Variants in JPH3 observed in about 807,000 individuals in gnomAD.
JPH3 encodes junctophilin 3, also known as junctophilin-3.
A neutral mutation model predicts 59.6 loss-of-function variants in JPH3; 11 were observed. That is an observed-to-expected ratio of 0.18 (90% confidence interval 0.12 to 0.31). The LOEUF (loss-of-function observed/expected upper bound fraction) is 0.31. Among genes scored for constraint, JPH3 ranks in the 10% least tolerant of loss-of-function variants. The probability of loss-of-function intolerance (pLI) is 1.00; values close to 1 mark genes in which losing one functional copy is unlikely to be tolerated. For missense variants in JPH3, 1,202 were observed against 1,105.7 expected (o/e 1.09, Z -1.24); for synonymous variants, 673 against 483.6 (o/e 1.39, Z -5.14).
At chr16:87,619,704 A>G (rs549405378) in intron 1 of JPH3, among the ~76,000 whole-genome samples, 3 of 152,284 alleles carry the variant, frequency 2.0e-5, no homozygotes, top group East Asian at 1.9e-4. Flanking sequence ...TGGGCCACAC[A>G]AGTATCTACT....
intron 1 of JPH3, among the ~76,000 whole-genome samples, chr16:87,625,528 C>T (rs922626070): frequency 6.6e-6 from 1 of 152,194 alleles, no homozygotes; most frequent in Non-Finnish European, 1.5e-5. Flanking sequence ...GGAGCAGGGC[C>T]AGCATGCACA....
At chr16:87,626,715 G>A (rs1452301478) in intron 1 of JPH3, among the ~76,000 whole-genome samples, 4 of 152,270 alleles carry the variant, frequency 2.6e-5, no homozygotes, top group Non-Finnish European at 5.9e-5. Flanking sequence ...GGTTGGGATG[G>A]TTGGAGATGC....
At chr16:87,683,620 T>C (rs1451067724) in intron 2 of JPH3, among the ~76,000 whole-genome samples, 1 of 146,802 alleles carries the variant, frequency 6.8e-6, no homozygotes, top group African/African-American at 2.5e-5. Flanking sequence ...CTTTTTTTTT[T>C]CCTTGAGACA....
intron 2 of JPH3, among the ~76,000 whole-genome samples, chr16:87,646,860 C>G (rs192226136): frequency 2.0e-4 from 30 of 152,294 alleles, no homozygotes; most frequent in Admixed American, 1.6e-3. Context: ...GAGCTTATTT[C>G]ACAGCCTTGG....
At chr16:87,682,706 C>G (rs552168705) in intron 2 of JPH3, among the ~76,000 whole-genome samples, 16 of 152,316 alleles carry the variant, frequency 1.1e-4, no homozygotes, top group African/African-American at 3.4e-4. Context: ...CCCCAACAGG[C>G]TAAGTCAGGA....
At chr16:87,603,631 G>C in intron 1 of JPH3, 103 bp downstream of exon 1, 1 of 1,381,976 alleles carries the variant, frequency 7.2e-7, no homozygotes, top group East Asian at 2.5e-5. Context: ...CTCCGGTTGG[G>C]CCGTGGGCAC....
intron 1 of JPH3, among the ~76,000 whole-genome samples, chr16:87,605,862 T>G (rs1597230657): frequency 6.6e-6 from 1 of 152,330 alleles, no homozygotes; most frequent in South Asian, 2.1e-4. Context: ...TCAAGGGGTA[T>G]GCGGTTCTTA....
intron 2 of JPH3, among the ~76,000 whole-genome samples, chr16:87,669,886 C>T (rs879911889): frequency 2.0e-4 from 31 of 151,828 alleles, no homozygotes; most frequent in Non-Finnish European, 3.7e-4. Context: ...TTGCAGCAGC[C>T]GGCCGGCCTC....
intron 3 of JPH3, among the ~76,000 whole-genome samples, chr16:87,686,919 C>T (rs1447711095): frequency 6.6e-6 from 1 of 152,224 alleles, no homozygotes; most frequent in African/African-American, 2.4e-5. Context: ...CCAAGTTGGC[C>T]TCACCTCCTG....
chr16:87,606,248 A>G (rs968115473), intron 1 of JPH3, among the ~76,000 whole-genome samples: 2 of 152,208 alleles, frequency 1.3e-5, no homozygotes, highest in Non-Finnish European at 2.9e-5. Context: ...GTGGGGGAAT[A>G]TTGGGCAGCC....
At chr16:87,684,570 G>T in intron 3 of JPH3, 1 of 382,820 alleles carries the variant, frequency 2.6e-6, no homozygotes, top group Non-Finnish European at 4.8e-6. Flanking sequence ...AGCCTGTGCT[G>T]TCTGCTGCCC....
chr16:87,641,699 G>C (rs1180156927), intron 1 of JPH3, among the ~76,000 whole-genome samples: 1 of 152,236 alleles, frequency 6.6e-6, no homozygotes, highest in Non-Finnish European at 1.5e-5. Context: ...CGTGTGGCAG[G>C]TGCCACCATC....
chr16:87,615,263 A>C (rs1030648201), intron 1 of JPH3, among the ~76,000 whole-genome samples: 2 of 152,336 alleles, frequency 1.3e-5, no homozygotes, highest in Admixed American at 6.5e-5. Flanking sequence ...ATAGGCCGGG[A>C]TCAGCAGATT....
chr16:87,604,088 G>C (rs1337137129), intron 1 of JPH3: 1 of 985,366 alleles, frequency 1.0e-6, no homozygotes, highest in East Asian at 1.1e-4. Context: ...TACACTTCTA[G>C]GTGGTTGGAC....
At chr16:87,621,373 C>T (rs991323487) in intron 1 of JPH3, among the ~76,000 whole-genome samples, 1 of 152,200 alleles carries the variant, frequency 6.6e-6, no homozygotes, top group Non-Finnish European at 1.5e-5. Flanking sequence ...ACAGCCCAGA[C>T]CTGGGATCCG....
chr16:87,644,441 C>T lies in JPH3; in HGVS notation c.566C>T (p.Pro189Leu), dbSNP rs764648022. The change falls in exon 2 of 5, where the codon CCG becomes CTG. Residue 189 changes from proline (P) to leucine (L), a missense_variant. Transcript: ENST00000284262. ...GCCTCTCCGGCGGTGGCCGGCAGCC[C>T]GGCCGTGTCCCGCGGGGGCTTCGTG... is the stretch of plus-strand genomic sequence containing the variant. ...PDASPAVAGSPAVSRGGFVLV... is the reference protein window; with the variant it reads ...PDASPAVAGSLAVSRGGFVLV... The T allele has an allele frequency of 5.0e-5, 80 of 1,612,138 alleles. No individual in the cohort carries two copies. The highest frequency in any genetic ancestry group is 1.1e-4 in the East Asian group (5 of 44,872).
At chr16:87,612,502 A>G (rs115137656) in intron 1 of JPH3, among the ~76,000 whole-genome samples, 106 of 152,314 alleles carry the variant, frequency 7.0e-4, no homozygotes, top group African/African-American at 2.4e-3. Context: ...GCGCAGGTTG[A>G]GGACCACTCA....
chr16:87,657,645 T>C (rs1367089017), intron 2 of JPH3, among the ~76,000 whole-genome samples: 2 of 152,204 alleles, frequency 1.3e-5, no homozygotes, highest in Non-Finnish European at 2.9e-5. Flanking sequence ...TGGAGACTGC[T>C]CTTGAGGTCA....
chr16:87,672,613 C>T (rs762121487), intron 2 of JPH3, among the ~76,000 whole-genome samples: 6 of 152,210 alleles, frequency 3.9e-5, no homozygotes, highest in Non-Finnish European at 5.9e-5. Context: ...CTGGCATTGA[C>T]GGGGCCAGTG....
Sources: allele counts gnomAD v4.1 joint callset (sites outside exome capture counted in the v4.1 genomes callset), GRCh38; gene constraint gnomAD v4.1.1; transcripts MANE v1.5; gene names NCBI Gene and HGNC (gene_info 2026-07-23, HGNC 2026-07-21).